Variants in MGLL observed in about 807,000 individuals in gnomAD.
MGLL encodes monoglyceride lipase, also known as lysophospholipase homolog.
Under a neutral mutation model 29.1 loss-of-function variants are expected in MGLL, and 7 were observed. That is an observed-to-expected ratio of 0.24 (90% CI 0.14 to 0.45). The LOEUF (loss-of-function observed/expected upper bound fraction) is 0.45. MGLL is among the 20% of genes least tolerant of loss of function. MGLL has a pLI of 0.99. For synonymous variants in MGLL, 148 were observed against 168.3 expected (o/e 0.88, Z 0.93); for missense variants, 356 against 413.6 (o/e 0.86, Z 1.21).
intron 3 of MGLL, chr3:127,736,217 A>G (rs2107648533): frequency 1.0e-6 from 1 of 994,990 alleles, no homozygotes; most frequent in Non-Finnish European, 1.2e-6. Flanking sequence ...AACAAAGAAG[A>G]TTGCATGAGG....
At position 127,740,210 on chromosome 3, in the gene MGLL, G is replaced by A. The variant is rs987382993; in HGVS notation, c.263-17644C>T. 2.2e-4 allele frequency among the ~76,000 whole-genome samples: 34 copies of A among 152,294 alleles called. 1 individual carries two copies. The highest frequency in any genetic ancestry group is 3.4e-4 in the Non-Finnish European group (23 of 68,030). On this transcript the variant is annotated intron_variant, in intron 3 of 7. Coordinates refer to ENST00000265052, the MANE Select transcript of MGLL (RefSeq NM_007283.7). ...CCTAAATTGACCGCCTTCACTGTCC[G>A]AAGTCACCACTTGTGGCATGAAGCT...
At chr3:127,792,689 G>A (rs989956761) in intron 2 of MGLL, among the ~76,000 whole-genome samples, 3 of 151,530 alleles carry the variant, frequency 2.0e-5, no homozygotes, top group East Asian at 1.9e-4. Flanking sequence ...GTGACAGAGC[G>A]AGACTCTGTC....
At chr3:127,775,303 G>A (rs1339555393) in intron 3 of MGLL, among the ~76,000 whole-genome samples, 1 of 152,054 alleles carries the variant, frequency 6.6e-6, no homozygotes, top group Non-Finnish European at 1.5e-5. Context: ...ACTAAGGCAA[G>A]AAAAACGGTT....
chr3:127,711,137 C>T (rs115863680), intron 5 of MGLL: 146 of 194,278 alleles, frequency 7.5e-4, no homozygotes, highest in African/African-American at 3.0e-3. Flanking sequence ...CCATTTCTCT[C>T]GGGTGGAAGT....
At chr3:127,798,948 G>A (rs1364220806) in intron 2 of MGLL, among the ~76,000 whole-genome samples, 1 of 152,170 alleles carries the variant, frequency 6.6e-6, no homozygotes, top group Non-Finnish European at 1.5e-5. Flanking sequence ...CAGAGCAGGG[G>A]AGCAGTCTCA....
intron 3 of MGLL, among the ~76,000 whole-genome samples, chr3:127,767,161 A>G (rs2076873388): frequency 1.1e-4 from 1 of 8,798 alleles, no homozygotes; most frequent in Non-Finnish European, 1.7e-3. Context: ...CTCCATCATC[A>G]CCATCACTCA....
intron 2 of MGLL, among the ~76,000 whole-genome samples, chr3:127,807,438 T>C (rs1202274361): frequency 6.6e-6 from 1 of 152,146 alleles, no homozygotes; most frequent in East Asian, 1.9e-4. Context: ...ATTTATTTCC[T>C]CTATTGTTTT....
intron 7 of MGLL, among the ~76,000 whole-genome samples, chr3:127,693,144 G>A (rs1455400368): frequency 1.3e-5 from 2 of 152,196 alleles, no homozygotes; most frequent in African/African-American, 4.8e-5. Context: ...GACTCCAGCC[G>A]TTGCTCACGT....
intron 5 of MGLL, chr3:127,711,548 G>A (rs1189038178): frequency 6.6e-6 from 1 of 152,180 alleles, no homozygotes; most frequent in African/African-American, 2.4e-5. Context: ...GATGAAAGAT[G>A]CTATTTCAAA....
intron 3 of MGLL, among the ~76,000 whole-genome samples, chr3:127,753,980 C>T (rs1012988872): frequency 1.1e-4 from 16 of 152,244 alleles, no homozygotes; most frequent in Admixed American, 2.6e-4. Flanking sequence ...CCACCAGCCT[C>T]GTCACAGCTG....
chr3:127,762,358 C>A (rs2076780556), intron 3 of MGLL, among the ~76,000 whole-genome samples: 1 of 152,136 alleles, frequency 6.6e-6, no homozygotes, highest in Non-Finnish European at 1.5e-5. Context: ...GCTCCCACTT[C>A]AGAAAGGCTC....
intron 2 of MGLL, among the ~76,000 whole-genome samples, chr3:127,805,703 C>T (rs1188920988): frequency 1.3e-5 from 2 of 152,220 alleles, no homozygotes; most frequent in African/African-American, 4.8e-5. Flanking sequence ...TTAAAGCAAA[C>T]AGACTTGGGT....
intron 3 of MGLL, among the ~76,000 whole-genome samples, chr3:127,737,426 G>A (rs1328033928): frequency 6.6e-6 from 1 of 150,898 alleles, no homozygotes; most frequent in Non-Finnish European, 1.5e-5. Context: ...TAGTGAGGGA[G>A]GGAATGGATG....
chr3:127,790,513 T>C (rs956265826), intron 2 of MGLL, among the ~76,000 whole-genome samples: 2 of 152,148 alleles, frequency 1.3e-5, no homozygotes, highest in African/African-American at 2.4e-5. Context: ...TGTGACCTCA[T>C]GGCAGCAGGA....
chr3:127,810,578 A>T (rs1200548281), intron 2 of MGLL, among the ~76,000 whole-genome samples: 1 of 152,202 alleles, frequency 6.6e-6, no homozygotes, highest in Admixed American at 6.5e-5. Flanking sequence ...GACAACATCC[A>T]TGGTGTATGG....
At chr3:127,779,291 C>T (rs897529663) in intron 3 of MGLL, among the ~76,000 whole-genome samples, 1 of 152,022 alleles carries the variant, frequency 6.6e-6, no homozygotes, top group African/African-American at 2.4e-5. Context: ...CGCTTGAACC[C>T]GGGAGGCAGA....
intron 2 of MGLL, among the ~76,000 whole-genome samples, chr3:127,814,478 G>A (rs140774220): frequency 6.6e-6 from 1 of 152,306 alleles, no homozygotes; most frequent in Admixed American, 6.5e-5. Context: ...CATTTCCTCC[G>A]TGTATACAAT....
chr3:127,708,581 T>A (rs1393897210), intron 6 of MGLL, among the ~76,000 whole-genome samples: 1 of 152,262 alleles, frequency 6.6e-6, no homozygotes, highest in Admixed American at 6.5e-5. Flanking sequence ...CCTGTTTTTT[T>A]CTTCCTCTTT....
chr3:127,708,711 T>C (rs2075651737), intron 6 of MGLL, among the ~76,000 whole-genome samples: 1 of 152,218 alleles, frequency 6.6e-6, no homozygotes, highest in Non-Finnish European at 1.5e-5. Context: ...GTCCTGGCAC[T>C]GCCGCTACAA....
Sources: gnomAD v4.1 joint callset for allele counts (sites outside exome capture counted in the v4.1 genomes callset) on GRCh38, gnomAD v4.1.1 for gene constraint, MANE v1.5 for transcripts, NCBI Gene and HGNC (gene_info 2026-07-23, HGNC 2026-07-21) for gene names.